KIAA1328: variants seen among roughly 807,000 people sequenced by gnomAD.
KIAA1328 encodes protein hinderin.
A neutral mutation model predicts 68.1 loss-of-function variants in KIAA1328; 52 were observed. The ratio of observed to expected loss-of-function variants is 0.76; its 90% CI spans 0.61 to 0.96. KIAA1328 has a LOEUF of 0.96. KIAA1328 is among the 40% of genes least tolerant of loss of function. KIAA1328 has a pLI of 0.00. For missense variants in KIAA1328, 641 were observed against 677.6 expected, an observed-to-expected ratio of 0.95 and a Z score of 0.60; for synonymous variants, 232 against 239.4, an observed-to-expected ratio of 0.97 and a Z score of 0.28.
intron 9 of KIAA1328, among the ~76,000 whole-genome samples, chr18:37,207,173 A>G (rs2154219934): frequency 6.6e-6 from 1 of 152,266 alleles, no homozygotes; most frequent in East Asian, 1.9e-4. Flanking sequence ...TTTTCTCAAA[A>G]CTTCTTTGAG....
At chr18:37,181,274 C>T (rs1367192110) in intron 9 of KIAA1328, among the ~76,000 whole-genome samples, 1 of 151,772 alleles carries the variant, frequency 6.6e-6, no homozygotes, top group Non-Finnish European at 1.5e-5. Flanking sequence ...ATGTATTGAG[C>T]ATGTAAAAGA....
At chr18:37,084,024 A>G (rs2057025215) in intron 7 of KIAA1328, 1 of 482,282 alleles carries the variant, frequency 2.1e-6, no homozygotes, top group Non-Finnish European at 3.3e-6. Flanking sequence ...ATTGGAAAAT[A>G]ATTTCTGGGG....
chr18:37,145,361 A>G (rs1195481040), intron 7 of KIAA1328, among the ~76,000 whole-genome samples: 1 of 152,288 alleles, frequency 6.6e-6, no homozygotes, highest in East Asian at 1.9e-4. Context: ...ACTTTATTTT[A>G]TAACACAACG....
chr18:36,875,700 C>G (rs1052916728), intron 4 of KIAA1328, among the ~76,000 whole-genome samples: 1 of 152,162 alleles, frequency 6.6e-6, no homozygotes, highest in Non-Finnish European at 1.5e-5. Context: ...ACTTCCAATA[C>G]TATGTTGAAT....
chr18:37,053,474 A>G (rs1012874325), intron 6 of KIAA1328, among the ~76,000 whole-genome samples: 1 of 152,224 alleles, frequency 6.6e-6, no homozygotes, highest in Non-Finnish European at 1.5e-5. Flanking sequence ...ACAGAAATAA[A>G]AATATATGAA....
chr18:36,880,176 T>A lies in KIAA1328; in HGVS notation c.333-5381T>A, dbSNP rs577231469. On this transcript the variant is annotated intron_variant, in intron 4 of 9. Coordinates refer to ENST00000280020, the MANE Select transcript of KIAA1328 (RefSeq NM_020776.3). ...GGTGGTGTAGGCACCCGAGGGAATC[T>A]CCTGATCTGTGGGTTGTGAAGACCG... is the stretch of plus-strand genomic sequence containing the variant. Among the ~76,000 whole-genome samples, 6 of 152,288 alleles carry A rather than the reference T, an allele frequency of 3.9e-5. No homozygotes were observed. In the South Asian group the frequency reaches 1.2e-3, roughly 32 times the overall value.
chr18:36,996,363 C>G (rs1211546178), intron 6 of KIAA1328, among the ~76,000 whole-genome samples: 1 of 152,094 alleles, frequency 6.6e-6, no homozygotes, highest in Non-Finnish European at 1.5e-5. Context: ...AAATAACTTG[C>G]TGAAAGTCAG....
At chr18:37,030,309 G>A (rs921138298) in intron 6 of KIAA1328, among the ~76,000 whole-genome samples, 2 of 151,548 alleles carry the variant, frequency 1.3e-5, no homozygotes, top group Non-Finnish European at 2.9e-5. Flanking sequence ...AACATTTAAA[G>A]CTATAAATTT....
intron 5 of KIAA1328, among the ~76,000 whole-genome samples, chr18:36,928,536 C>G (rs1405519423): frequency 6.6e-6 from 1 of 152,116 alleles, no homozygotes; most frequent in Non-Finnish European, 1.5e-5. Flanking sequence ...GTTTTCAAGT[C>G]TCACAAATGT....
At chr18:36,882,692 C>A (rs1397361877) in intron 4 of KIAA1328, among the ~76,000 whole-genome samples, 2 of 152,092 alleles carry the variant, frequency 1.3e-5, no homozygotes, top group Non-Finnish European at 2.9e-5. Context: ...TTCAAACATA[C>A]CCCAGAAACT....
At chr18:37,205,296 A>T (rs949940329) in intron 9 of KIAA1328, among the ~76,000 whole-genome samples, 30 of 152,304 alleles carry the variant, frequency 2.0e-4, no homozygotes, top group African/African-American at 7.2e-4. Context: ...TGCCGTGGGG[A>T]TAGTGCCAAA....
At chr18:36,925,893 A>G (rs1164575933) in intron 5 of KIAA1328, among the ~76,000 whole-genome samples, 1 of 151,944 alleles carries the variant, frequency 6.6e-6, no homozygotes, top group Non-Finnish European at 1.5e-5. Flanking sequence ...TTAATTTTGC[A>G]GGTAGTATTT....
At chr18:36,871,786 T>C (rs1355437506) in intron 4 of KIAA1328, among the ~76,000 whole-genome samples, 1 of 151,942 alleles carries the variant, frequency 6.6e-6, no homozygotes, top group Non-Finnish European at 1.5e-5. Context: ...AGACTTATGC[T>C]GATAGGGAAA....
chr18:37,094,361 A>G (rs1017091750), intron 7 of KIAA1328, among the ~76,000 whole-genome samples: 3 of 136,152 alleles, frequency 2.2e-5, no homozygotes, highest in Admixed American at 6.9e-5. Flanking sequence ...TGCTGATGGG[A>G]AAAAAAAAAC....
At chr18:37,097,970 T>G (rs1430749448) in intron 7 of KIAA1328, among the ~76,000 whole-genome samples, 13 of 152,166 alleles carry the variant, frequency 8.5e-5, no homozygotes, top group African/African-American at 2.9e-4. Flanking sequence ...AAGGAGATTT[T>G]GGGCTGAGAC....
At chr18:37,093,385 A>AAGAAAT (rs1477922396) in intron 7 of KIAA1328, among the ~76,000 whole-genome samples, 1 of 152,200 alleles carries the variant, frequency 6.6e-6, no homozygotes, top group African/African-American at 2.4e-5. Flanking sequence ...AATACAGACA[A>AAGAAAT]ACATACAAAG....
At chr18:36,929,140 C>T (rs1274887732) in intron 5 of KIAA1328, among the ~76,000 whole-genome samples, 4 of 152,126 alleles carry the variant, frequency 2.6e-5, no homozygotes, top group African/African-American at 4.8e-5. Context: ...TCTTAAAGTT[C>T]CCTTTAGCTA....
intron 7 of KIAA1328, among the ~76,000 whole-genome samples, chr18:37,125,443 A>G (rs1334441339): frequency 1.3e-5 from 2 of 151,974 alleles, no homozygotes; most frequent in African/African-American, 4.8e-5. Context: ...ATTCTACCTT[A>G]AAAAAACCAG....
At chr18:37,219,519 G>A (rs2060515509) in intron 9 of KIAA1328, among the ~76,000 whole-genome samples, 1 of 152,122 alleles carries the variant, frequency 6.6e-6, no homozygotes, top group Admixed American at 6.5e-5. Flanking sequence ...TTTACCTACT[G>A]AAGCCTCAGC....
Sources: gnomAD v4.1 joint callset for allele counts (sites outside exome capture counted in the v4.1 genomes callset) on GRCh38, gnomAD v4.1.1 for gene constraint, MANE v1.5 for transcripts, NCBI Gene and HGNC (gene_info 2026-07-23, HGNC 2026-07-21) for gene names.